The following DNAI4 variants were observed in gnomAD, a reference collection of about 807,000 sequenced individuals.
DNAI4 encodes dynein axonemal intermediate chain 4.
A neutral mutation model predicts 105.8 loss-of-function variants in DNAI4; 85 were observed. That is an observed-to-expected ratio of 0.80 (90% CI 0.67 to 0.96). The LOEUF is 0.96. Among genes scored for constraint, DNAI4 ranks in the 40% least tolerant of loss-of-function variants. The pLI, the probability that DNAI4 is intolerant of heterozygous loss-of-function variation, is 0.00. For missense variants in DNAI4, 1,014 were observed against 1,005.6 expected (o/e 1.01, Z -0.11); for synonymous variants, 352 against 331.5 (o/e 1.06, Z -0.67).
chr1:66,916,642 C>A (rs529793297), intron 1 of DNAI4, among the ~76,000 whole-genome samples: 2 of 152,230 alleles, frequency 1.3e-5, no homozygotes, highest in South Asian at 4.1e-4. Context: ...CTGTCAAAGG[C>A]ACACTGATGC....
intron 6 of DNAI4, among the ~76,000 whole-genome samples, chr1:66,867,353 G>A (rs1430197258): frequency 6.6e-6 from 1 of 152,096 alleles, no homozygotes; most frequent in Non-Finnish European, 1.5e-5. Flanking sequence ...AGTCTGAGAG[G>A]TTTTACTGAA....
At chr1:66,870,996 G>A (rs139528637) in intron 6 of DNAI4, 2 of 181,810 alleles carry the variant, frequency 1.1e-5, no homozygotes, top group East Asian at 2.8e-4. Flanking sequence ...TCATAGGGTT[G>A]CTGTAAAAAT....
At chr1:66,920,358 T>C (rs1411629865) in intron 1 of DNAI4, among the ~76,000 whole-genome samples, 1 of 152,182 alleles carries the variant, frequency 6.6e-6, no homozygotes, top group East Asian at 1.9e-4. Flanking sequence ...TCAACTCTCA[T>C]GCGACCTCAT....
chr1:66,828,838 T>C (rs1421197289), intron 13 of DNAI4, among the ~76,000 whole-genome samples: 4 of 152,228 alleles, frequency 2.6e-5, no homozygotes, highest in African/African-American at 9.6e-5. Context: ...CATTTTCTTC[T>C]GAAAGGTTTT....
intron 4 of DNAI4, among the ~76,000 whole-genome samples, chr1:66,875,618 C>G (rs1569707234): frequency 6.6e-6 from 1 of 152,030 alleles, no homozygotes; most frequent in East Asian, 1.9e-4. Flanking sequence ...ATGTGGGTAA[C>G]AGCCATGAGA....
intron 10 of DNAI4, among the ~76,000 whole-genome samples, chr1:66,836,222 G>GAGAGAGAGAGAAAGAAAGAA (rs1646000909): frequency 9.1e-6 from 1 of 110,026 alleles, no homozygotes; most frequent in Non-Finnish European, 2.0e-5. Context: ...GAGAGAGAGA[G>GAGAGAGAGAGAAAGAAAGAA]AGAGAGAGAG....
intron 1 of DNAI4, among the ~76,000 whole-genome samples, chr1:66,914,959 CT>C: frequency 6.6e-6 from 1 of 152,220 alleles, no homozygotes; most frequent in South Asian, 2.1e-4. Flanking sequence ...TTTAAAATTA[CT>C]GGTAAAGTAA....
chr1:66,886,528 A>G (rs1393720039), intron 4 of DNAI4, among the ~76,000 whole-genome samples: 1 of 152,020 alleles, frequency 6.6e-6, no homozygotes, highest in Non-Finnish European at 1.5e-5. Context: ...AGGTATCAAA[A>G]CCTTTCTTGT....
At chr1:66,859,295 T>C (rs568407641) in intron 7 of DNAI4, among the ~76,000 whole-genome samples, 1 of 152,202 alleles carries the variant, frequency 6.6e-6, no homozygotes, top group East Asian at 1.9e-4. Context: ...CCAAAAAAAC[T>C]AAAAATACCA....
At chr1:66,922,045 A>T (rs1650524809) in intron 1 of DNAI4, among the ~76,000 whole-genome samples, 1 of 151,964 alleles carries the variant, frequency 6.6e-6, no homozygotes, top group Non-Finnish European at 1.5e-5. Context: ...CTACAGGCAC[A>T]TGCCACCACG....
At chr1:66,911,767 G>A (rs1278333658) in intron 1 of DNAI4, among the ~76,000 whole-genome samples, 1 of 152,160 alleles carries the variant, frequency 6.6e-6, no homozygotes, top group Non-Finnish European at 1.5e-5. Flanking sequence ...GTGAAGGAAG[G>A]AGTCAAGCTG....
intron 8 of DNAI4, among the ~76,000 whole-genome samples, chr1:66,846,162 G>C (rs937733412): frequency 6.6e-6 from 1 of 151,914 alleles, no homozygotes; most frequent in Admixed American, 6.6e-5. Flanking sequence ...AGTACTATGT[G>C]AATTGCAACC....
At chr1:66,919,059 C>T (rs1221747109) in intron 1 of DNAI4, 4 of 433,786 alleles carry the variant, frequency 9.2e-6, no homozygotes, top group South Asian at 3.3e-5. Flanking sequence ...GTTGTCCCTG[C>T]CTTTCTGGAT....
At chr1:66,853,283 C>T (rs952012520) in intron 7 of DNAI4, among the ~76,000 whole-genome samples, 10 of 152,202 alleles carry the variant, frequency 6.6e-5, no homozygotes, top group Admixed American at 3.9e-4. Flanking sequence ...TGGGCTTTCC[C>T]ACAGGTTTAT....
intron 4 of DNAI4, among the ~76,000 whole-genome samples, chr1:66,884,032 T>A (rs1407599397): frequency 6.6e-6 from 1 of 152,204 alleles, no homozygotes; most frequent in Non-Finnish European, 1.5e-5. Context: ...TCCACCTCTA[T>A]GAGATCAATT....
rs1645463166 is a variant in DNAI4 at position 66,814,088 on chromosome 1, C to T, written c.*42G>A. ...AATACAGAATATTGGATGTTAATTCCTTTTTTAAAACAACTACAAGAAAAA... is the reference window on the plus strand; with the variant it reads ...AATACAGAATATTGGATGTTAATTCTTTTTTTAAAACAACTACAAGAAAAA... On this transcript the variant is annotated 3_prime_UTR_variant, in exon 17 of 17. Coordinates refer to ENST00000371026, the MANE Select transcript of DNAI4 (RefSeq NM_024763.5). 2 of 1,537,536 alleles carry T rather than the reference C, an allele frequency of 1.3e-6. No individual in the cohort carries two copies. The highest frequency in any genetic ancestry group is 1.8e-6 in the Non-Finnish European group (2 of 1,139,204).
At chr1:66,894,595 C>G (rs1307099479) in intron 2 of DNAI4, among the ~76,000 whole-genome samples, 1 of 151,994 alleles carries the variant, frequency 6.6e-6, no homozygotes, top group Non-Finnish European at 1.5e-5. Flanking sequence ...TGTTGCTTTT[C>G]ATATTTAAGT....
intron 5 of DNAI4, among the ~76,000 whole-genome samples, chr1:66,873,238 C>CTT (rs754563033): frequency 7.2e-6 from 1 of 139,572 alleles, no homozygotes; most frequent in Admixed American, 7.2e-5. Flanking sequence ...CTTCTTCTTC[C>CTT]TTTTTTTTTT....
chr1:66,820,402 T>C (rs1184445212), intron 16 of DNAI4, among the ~76,000 whole-genome samples: 3 of 152,156 alleles, frequency 2.0e-5, no homozygotes. Context: ...AAGCATTTAT[T>C]GAATAACTAC....
Sources: allele counts gnomAD v4.1 joint callset (sites outside exome capture counted in the v4.1 genomes callset), GRCh38; gene constraint gnomAD v4.1.1; transcripts MANE v1.5; gene names NCBI Gene and HGNC (gene_info 2026-07-23, HGNC 2026-07-21).